Variants in MGAM observed in about 807,000 individuals in gnomAD.
MGAM encodes the protein maltase-glucoamylase, also known as alpha-1,4-glucosidase.
A neutral mutation model predicts 358.8 loss-of-function variants in MGAM; 253 were observed. That is an observed-to-expected ratio of 0.71 (90% CI 0.64 to 0.78). The LOEUF is 0.78. MGAM is among the 30% of genes least tolerant of loss of function. MGAM has a pLI of 0.00. For missense variants in MGAM, 3,080 were observed against 3,432.6 expected (o/e 0.90, Z 2.57); for synonymous variants, 1,105 against 1,227.1 (o/e 0.90, Z 2.08).
rs569857462 is a variant in MGAM at position 142,054,689 on chromosome 7, G to T, written c.3160-65G>T. 12 of 1,520,072 alleles carry T rather than the reference G, an allele frequency of 7.9e-6. No individual in the cohort carries two copies. The East Asian group carries it at 1.6e-4, about 20-fold the overall frequency. The allele number at this position is 1,520,072 out of a possible 1,614,324, so 94.2% of individuals were successfully genotyped here. A position where few individuals can be genotyped will look rare whatever the true frequency, so the allele number is the denominator to read the frequency against. On this transcript the variant is annotated intron_variant, in intron 26 of 70. Coordinates refer to ENST00000475668, the MANE Select transcript of MGAM (RefSeq NM_001365693.1). The stretch of plus-strand genomic sequence containing the variant: ...AACTTTGTGTCCAAAAATCAAAAAG[G>T]TTCTGCTAAGGGTATAGGTTTCAAG...
chr7:142,038,506 A>G lies in MGAM; in HGVS notation c.2232-25A>G, dbSNP rs761601598. On this transcript the variant is annotated intron_variant, in intron 18 of 70. Transcript: ENST00000475668. ...TCTCATTGGCAGTGGCTCAAATCTC[A>G]GTGAACTGTCTCTCTGGTTTTCAGG... The G allele has an allele frequency of 1.1e-5, 17 of 1,570,718 alleles. No individual in the cohort carries two copies. In the African/African-American group the frequency reaches 1.6e-4, roughly 15 times the overall value.
At chr7:142,007,204 A>C (rs1319129288) in intron 2 of MGAM, among the ~76,000 whole-genome samples, 2 of 152,144 alleles carry the variant, frequency 1.3e-5, no homozygotes, top group Non-Finnish European at 2.9e-5. Flanking sequence ...AGTTTATTTT[A>C]GTACCAAAAA....
rs1164100361 is a variant in MGAM at position 142,032,810 on chromosome 7, C to G, written c.1585-15C>G. ...TGTTACTTTTTCTTAATAGTTTTTGCTCTTTGTCTTGTAGGATATGAATGA... is the reference window on the plus strand; with the variant it reads ...TGTTACTTTTTCTTAATAGTTTTTGGTCTTTGTCTTGTAGGATATGAATGA... On this transcript the variant is annotated splice_polypyrimidine_tract_variant and intron_variant, in intron 13 of 70. Transcript: ENST00000475668. 1 of 1,570,300 alleles carries G rather than the reference C, an allele frequency of 6.4e-7. No individual in the cohort carries two copies. The highest frequency in any genetic ancestry group is 1.4e-5 in the African/African-American group (1 of 73,294).
intron 66 of MGAM, among the ~76,000 whole-genome samples, chr7:142,098,606 TC>T (rs1774675353): frequency 6.6e-6 from 1 of 152,098 alleles, no homozygotes; most frequent in South Asian, 2.1e-4. Context: ...AGCCCCAGAC[TC>T]CTCTTCCTGC....
At chr7:142,062,479 G>A in intron 34 of MGAM, 89 bp from the exon 35 acceptor site, 7 of 1,507,274 alleles carry the variant, frequency 4.6e-6, no homozygotes, top group Non-Finnish European at 6.3e-6. Flanking sequence ...TGCAGTTGAA[G>A]TATTTGTGTG....
At chr7:141,988,694 G>A (rs1803816167) in intron 2 of MGAM, among the ~76,000 whole-genome samples, 1 of 152,164 alleles carries the variant, frequency 6.6e-6, no homozygotes, top group African/African-American at 2.4e-5. Context: ...AATACTAGGT[G>A]ATGTGTTATT....
In MGAM at chr7:142,055,565, T is replaced by A; in HGVS notation, c.3322T>A (p.Ser1108Thr). 2.5e-6 allele frequency: 4 copies of A among 1,613,944 alleles called. No individual in the cohort carries two copies. The highest frequency in any genetic ancestry group is 1.3e-5 in the African/African-American group (1 of 75,034). Residue 1108 changes from serine to threonine, a missense_variant, in exon 28 of 71, where the codon TCT becomes ACT. Transcript: ENST00000475668. ...RKSTGTIIWD[S>T]QLLGFTFSDM... ...TGCGTTTTTGTGTTTCAGTTGGGAC[T>A]CTCAGCTCCTTGGCTTTACCTTCAG...
intron 3 of MGAM, among the ~76,000 whole-genome samples, chr7:142,014,960 G>C (rs1158244091): frequency 6.6e-6 from 1 of 151,864 alleles, no homozygotes; most frequent in Non-Finnish European, 1.5e-5. Flanking sequence ...TTGCATCTGT[G>C]TGATTTTAGA....
chr7:142,097,571 C>T (rs1308770247), intron 65 of MGAM, 22 bp from the exon 66 acceptor site: 3 of 1,608,564 alleles, frequency 1.9e-6, no homozygotes, highest in East Asian at 2.2e-5. Context: ...CACTGCCACA[C>T]CTTGTTTATG....
chr7:141,989,087 T>TGA (rs1339133875), intron 2 of MGAM, among the ~76,000 whole-genome samples: 1 of 136,314 alleles, frequency 7.3e-6, no homozygotes, highest in Non-Finnish European at 1.6e-5. Flanking sequence ...TGCTTGTGAG[T>TGA]GTGTGTGTGT....
intron 42 of MGAM, among the ~76,000 whole-genome samples, chr7:142,067,969 T>TAA (rs1812971053): frequency 3.4e-4 from 2 of 5,908 alleles, no homozygotes; most frequent in African/African-American, 4.9e-4. Flanking sequence ...TATATAAATA[T>TAA]ATATATATAT....
chr7:142,030,878 T>C, intron 12 of MGAM, 121 bp downstream of exon 12: 2 of 683,118 alleles, frequency 2.9e-6, no homozygotes, highest in Non-Finnish European at 5.0e-6. Flanking sequence ...AGTATATTTA[T>C]ATATGCTGGG....
chr7:142,052,941 G>C lies in MGAM; in HGVS notation c.3116G>C (p.Arg1039Pro). The part of the protein sequence containing the change: ...AFPSTPVNPL[R>P]LDVTYHKNEM... Reference sequence around the variant, plus strand: ...CCCTCCACACCCGTGAACCCCCTTCGCCTGGATGTCACTTACCATAAGAAT... The same window carrying C: ...CCCTCCACACCCGTGAACCCCCTTCCCCTGGATGTCACTTACCATAAGAAT... Residue 1039 changes from arginine (R) to proline (P), a missense_variant, in exon 26 of 71, where the codon CGC becomes CCC. Arg to Pro is a moderately radical substitution (Grantham distance 103). This residue lies in a region of MGAM where 1,816 missense variants were observed against 1,840.5 expected (regional missense o/e 0.99). Coordinates refer to ENST00000475668, the MANE Select transcript of MGAM (RefSeq NM_001365693.1). 6.2e-7 allele frequency: 1 copy of C among 1,613,610 alleles called. No individual in the cohort carries two copies. The highest frequency in any genetic ancestry group is 2.2e-5 in the East Asian group (1 of 44,878).
intron 69 of MGAM, 63 bp from the exon 70 acceptor site, chr7:142,103,206 A>C: frequency 7.4e-7 from 1 of 1,359,820 alleles, no homozygotes; most frequent in Non-Finnish European, 9.9e-7. Context: ...GTGCCTAAAA[A>C]GAGGTTAGAA....
upstream of MGAM, among the ~76,000 whole-genome samples, chr7:141,991,867 G>T (rs1417966364): frequency 4.6e-5 from 7 of 152,140 alleles, no homozygotes; most frequent in Admixed American, 4.6e-4. Flanking sequence ...GCCACTCCAG[G>T]CACCACAATG....
At chr7:142,095,473 T>G in intron 63 of MGAM, 92 bp from the exon 64 acceptor site, 1 of 1,561,780 alleles carries the variant, frequency 6.4e-7, no homozygotes, top group Non-Finnish European at 8.7e-7. Context: ...TAGCTGTGAG[T>G]GATCTTCAAT....
chr7:142,057,729 G>A (rs533349312), intron 30 of MGAM, among the ~76,000 whole-genome samples: 1 of 152,122 alleles, frequency 6.6e-6, no homozygotes, highest in Admixed American at 6.5e-5. Context: ...TACCAAGTGC[G>A]CATCACTGAT....
rs962095442 is a variant in MGAM, at chr7:142,034,549, G to A, written c.1788-121G>A. The A allele has an allele frequency of 2.1e-5, 22 of 1,036,770 alleles. No homozygotes were observed. The African/African-American group carries it at 2.4e-4, about 11-fold the overall frequency. 64.2% of individuals were successfully genotyped at this position (1,036,770 alleles called of 1,614,324 possible). On this transcript the variant is annotated intron_variant, in intron 15 of 70. Transcript: ENST00000475668. The stretch of plus-strand genomic sequence containing the variant: ...TCCCAACAGGGACTCTAATTGTACC[G>A]AAAGAGAGTTGGAAGAGAATGGGTT...
rs772362729 is a variant in MGAM at position 142,080,817 on chromosome 7, T to A, written c.5874T>A (p.Tyr1958Ter). The A allele has an allele frequency of 1.3e-6, 2 of 1,555,838 alleles. 1 individual carries two copies. The highest frequency in any genetic ancestry group is 1.8e-6 in the Non-Finnish European group (2 of 1,132,228). Reference protein sequence around the residue: ...FKIYDPNNNRYEVPVPLNIPS... With the variant: ...FKIYDPNNNR ...TTTATGATCCCAACAACAATCGGTA[T>A]GAAGTTCCAGTCCCTCTGAACATAC... Residue 1958 changes from tyrosine to a stop codon, truncating the protein, a stop_gained, in exon 50 of 71, where the codon TAT becomes TAA. Coordinates refer to ENST00000475668, the MANE Select transcript of MGAM (RefSeq NM_001365693.1). LOFTEE classifies it high-confidence loss of function.
Sources: gnomAD v4.1 joint callset for allele counts (sites outside exome capture counted in the v4.1 genomes callset) on GRCh38, gnomAD v4.1.1 for gene constraint, gnomAD v4.1.1 regional missense constraint, MANE v1.5 for transcripts, NCBI Gene and HGNC (gene_info 2026-07-23, HGNC 2026-07-21) for gene names.